Variants in NALCN observed in about 807,000 individuals in gnomAD.
NALCN encodes sodium leak channel NALCN.
NALCN carries 111 observed loss-of-function variants against 225.3 expected under a neutral mutation model. That is an observed-to-expected ratio of 0.49 (90% CI 0.42 to 0.58). NALCN has a LOEUF of 0.58. Ranked by LOEUF, NALCN falls within the 20% of genes least tolerant of loss-of-function variation. The pLI, the probability that NALCN is intolerant of heterozygous loss-of-function variation, is 0.00. For missense variants in NALCN, 1,378 were observed against 2,202.4 expected, an observed-to-expected ratio of 0.63 and a Z score of 7.49; for synonymous variants, 764 against 769.0, an observed-to-expected ratio of 0.99 and a Z score of 0.11.
In NALCN at chr13:101,054,173, C is replaced by CTTT. The variant is rs2030914710; in HGVS notation, c.*1119_*1121dup. 1 of 152,086 alleles carries CTTT rather than the reference C, an allele frequency of 6.6e-6. No homozygotes were observed. Among genetic ancestry groups the CTTT allele is most frequent in the Non-Finnish European group, 1.5e-5 (1 of 68,022 alleles). The allele number at this position is 152,086 out of a possible 1,614,324, so 9.4% of individuals were successfully genotyped here. ...CTAACAGCACTTTGTAATCATTTTG[C>CTTT]TTTTCTAATTTTCCCGGAGGACATG... is the stretch of plus-strand genomic sequence containing the variant. On this transcript the variant is annotated 3_prime_UTR_variant, in exon 44 of 44. Coordinates refer to ENST00000251127, the MANE Select transcript of NALCN (RefSeq NM_052867.4).
Position 101,104,822 on chromosome 13 carries a change from T to A in NALCN, c.2636+72A>T. On this transcript the variant is annotated intron_variant, in intron 23 of 43. Coordinates refer to ENST00000251127, the MANE Select transcript of NALCN (RefSeq NM_052867.4). The surrounding 1 kb of genome is among the most constrained non-coding windows in gnomAD (Gnocchi z 4.2). ...GCAAGAAAATAAAAGAGAATTTTAA[T>A]CGTTGTATGCAGCATAAAATAGTAC... 6.4e-7 allele frequency: 1 copy of A among 1,567,576 alleles called. No individual in the cohort carries two copies. The highest frequency in any genetic ancestry group is 8.8e-7 in the Non-Finnish European group (1 of 1,142,150).
chr13:101,231,712 G>A lies in NALCN; in HGVS notation c.1435-2128C>T, dbSNP rs9518347. 8.3e-3 allele frequency among the ~76,000 whole-genome samples: 1,260 copies of A among 152,298 alleles called. 7 individuals carry two copies. Among genetic ancestry groups the A allele is most frequent in the Non-Finnish European group, 0.013 (869 of 68,018 alleles). On this transcript the variant is annotated intron_variant, in intron 12 of 43. Transcript: ENST00000251127. ...TTGAGTTGTCTGTTAAAGATGAATA[G>A]TGTATTTAGAACACAGTAAGAAACA...
At chr13:101,112,220 T>G (rs112081227) in intron 18 of NALCN, among the ~76,000 whole-genome samples, 74 of 151,998 alleles carry the variant, frequency 4.9e-4, no homozygotes, top group African/African-American at 1.7e-3. Context: ...AGCACACAGT[T>G]TTTGGAATTA....
In NALCN at chr13:101,376,774, A is replaced by G. The variant is rs1188168317; in HGVS notation, c.570T>C (p.Leu190=). The G allele has an allele frequency of 1.9e-6, 3 of 1,613,572 alleles. No homozygotes were observed. In the African/African-American group the frequency reaches 4.0e-5, roughly 22 times the overall value. ...SVSIFLLFFL[L]LYGILGVQMF... is the part of the protein sequence containing the mutation. ...TCTGAACTCCTAAAATTCCATAAAG[A>G]AGTAGAAAGAAAAGTAGAAAAATGG... is the stretch of plus-strand genomic sequence containing the variant. The change falls in exon 6 of 44, where the codon CTT becomes CTC. Residue 190 remains leucine, a synonymous_variant. Transcript: ENST00000251127.
At chr13:101,246,667 C>T (rs939950967) in intron 11 of NALCN, among the ~76,000 whole-genome samples, 1 of 152,122 alleles carries the variant, frequency 6.6e-6, no homozygotes, top group African/African-American at 2.4e-5. Flanking sequence ...TCAGAAGAAA[C>T]CTATTTACTT....
At chr13:101,186,228 C>G (rs1239744051) in intron 14 of NALCN, among the ~76,000 whole-genome samples, 2 of 152,168 alleles carry the variant, frequency 1.3e-5, no homozygotes, top group Non-Finnish European at 2.9e-5. Flanking sequence ...GTACACATGC[C>G]TCTCTTACCA....
chr13:101,233,380 G>A (rs1343608439), intron 12 of NALCN, among the ~76,000 whole-genome samples: 1 of 148,392 alleles, frequency 6.7e-6, no homozygotes, highest in Non-Finnish European at 1.5e-5. Flanking sequence ...TCCCTCTGTG[G>A]CCCAGGCTGG....
At position 101,089,512 on chromosome 13, in the gene NALCN, AGG is replaced by A; in HGVS notation, c.3489+149_3489+150del. On this transcript the variant is annotated intron_variant, in intron 30 of 43. Coordinates refer to ENST00000251127, the MANE Select transcript of NALCN (RefSeq NM_052867.4). The surrounding 1 kb of genome is among the most constrained non-coding windows in gnomAD (Gnocchi z 4.7). ...ATAATGTGTCTGAAAAGCAGCAATG[AGG>A]GAGCTTGTAAAACAGTTATAGAGAT... is the stretch of plus-strand genomic sequence containing the variant. 1.5e-6 allele frequency: 1 copy of A among 650,390 alleles called. No individual in the cohort carries two copies. Among genetic ancestry groups the A allele is most frequent in the Non-Finnish European group, 2.6e-6 (1 of 381,176 alleles). 40.3% of individuals were successfully genotyped at this position (650,390 alleles called of 1,614,324 possible). A position where few individuals can be genotyped will look rare whatever the true frequency, so the allele number is the denominator to read the frequency against.
At chr13:101,109,643 T>C (rs991651806) in intron 20 of NALCN, among the ~76,000 whole-genome samples, 3 of 152,218 alleles carry the variant, frequency 2.0e-5, no homozygotes, top group Non-Finnish European at 4.4e-5. Flanking sequence ...AGATTCAACC[T>C]AACGCCTGTC....
intron 18 of NALCN, chr13:101,116,612 C>A (rs560672544): frequency 2.1e-6 from 1 of 485,242 alleles, no homozygotes; most frequent in Admixed American, 2.3e-5. Flanking sequence ...AAGGGAGAGG[C>A]CTATGAGTCT....
chr13:101,228,358 C>T (rs2041226072), intron 13 of NALCN, among the ~76,000 whole-genome samples: 2 of 152,108 alleles, frequency 1.3e-5, no homozygotes, highest in Admixed American at 1.3e-4. Context: ...TATTATTCTT[C>T]CCATATGATA....
chr13:101,104,821 A>G lies in NALCN; in HGVS notation c.2636+73T>C, dbSNP rs957475394. On this transcript the variant is annotated intron_variant, in intron 23 of 43. Coordinates refer to ENST00000251127, the MANE Select transcript of NALCN (RefSeq NM_052867.4). The surrounding 1 kb of genome is among the most constrained non-coding windows in gnomAD (Gnocchi z 4.2). The stretch of plus-strand genomic sequence containing the variant: ...AGCAAGAAAATAAAAGAGAATTTTA[A>G]TCGTTGTATGCAGCATAAAATAGTA... 3.2e-6 allele frequency: 5 copies of G among 1,567,582 alleles called. No homozygotes were observed. Among genetic ancestry groups the G allele is most frequent in the Non-Finnish European group, 4.4e-6 (5 of 1,142,154 alleles).
At chr13:101,291,451 A>G (rs2043549142) in intron 9 of NALCN, among the ~76,000 whole-genome samples, 1 of 152,178 alleles carries the variant, frequency 6.6e-6, no homozygotes, top group African/African-American at 2.4e-5. Context: ...AAAACCACCC[A>G]CGGAGCTGTT....
At chr13:101,316,674 C>T (rs1433996739) in intron 7 of NALCN, among the ~76,000 whole-genome samples, 3 of 152,150 alleles carry the variant, frequency 2.0e-5, no homozygotes, top group South Asian at 2.1e-4. Context: ...TATACCTGTA[C>T]TCTGGAAAAT....
rs61602529 is a variant in NALCN, at chr13:101,163,765, G to A, written c.1839+12535C>T. On this transcript the variant is annotated intron_variant, in intron 15 of 43. Coordinates refer to ENST00000251127, the MANE Select transcript of NALCN (RefSeq NM_052867.4). ...GGAGGTGTGTTAGTTGTCTAGGGCC[G>A]CTGCCACAAAGTTCCAAAAAACTGG... Among the ~76,000 whole-genome samples, 1,188 of 152,138 alleles carry A rather than the reference G, an allele frequency of 7.8e-3. 24 individuals carry two copies. The highest frequency in any genetic ancestry group is 0.027 in the African/African-American group (1,126 of 41,500).
intron 11 of NALCN, among the ~76,000 whole-genome samples, chr13:101,245,502 A>G (rs1795304354): frequency 6.6e-6 from 1 of 152,034 alleles, no homozygotes; most frequent in Admixed American, 6.6e-5. Context: ...ATATCTTTTT[A>G]CATACTCTAC....
At chr13:101,182,080 G>A (rs911735862) in intron 14 of NALCN, among the ~76,000 whole-genome samples, 12 of 131,210 alleles carry the variant, frequency 9.1e-5, no homozygotes, top group Admixed American at 3.7e-4. Context: ...CTTGCAGTGA[G>A]CCGAGATCGT....
chr13:101,324,204 T>A (rs1228292137), intron 7 of NALCN, among the ~76,000 whole-genome samples: 1 of 152,124 alleles, frequency 6.6e-6, no homozygotes, highest in Middle Eastern at 3.2e-3. Flanking sequence ...TCGTAACACG[T>A]CTCAACTGGC....
chr13:101,116,862 A>C (rs2139670523), intron 18 of NALCN: 1 of 458,938 alleles, frequency 2.2e-6, no homozygotes, highest in South Asian at 1.6e-5. Flanking sequence ...ATTATGTAAA[A>C]CTATGACTGT....
Sources: gnomAD v4.1 joint callset for allele counts (sites outside exome capture counted in the v4.1 genomes callset) on GRCh38, gnomAD v4.1.1 for gene constraint, Gnocchi (gnomAD v3.1) non-coding constraint, MANE v1.5 for transcripts, NCBI Gene and HGNC (gene_info 2026-07-23, HGNC 2026-07-21) for gene names.